Variants in LYRM1 observed in about 807,000 individuals in gnomAD.
LYRM1 encodes LYR motif containing 1, also known as LYR motif-containing protein 1.
Under a neutral mutation model 14.9 loss-of-function variants are expected in LYRM1, and 14 were observed. That is an observed-to-expected ratio of 0.94 (90% CI 0.62 to 1.47). The LOEUF is 1.47. Among genes scored for constraint, LYRM1 ranks in the 40% most tolerant of loss-of-function variants. The probability of loss-of-function intolerance (pLI) is 0.00; values close to 1 mark genes in which losing one functional copy is unlikely to be tolerated. For synonymous variants in LYRM1, 43 were observed against 56.2 expected (o/e 0.77, Z 1.05); for missense variants, 153 against 149.9 (o/e 1.02, Z -0.11).
Position 20,901,851 on chromosome 16 carries a change from C to T in LYRM1, c.-1+962C>T, listed in dbSNP as rs900643239. Among the ~76,000 whole-genome samples, 1 of 152,176 alleles carries T rather than the reference C, an allele frequency of 6.6e-6. No individual in the cohort carries two copies. Reference sequence around the variant, plus strand: ...GATAGTGTTGAAAGGGCCGGCCGGGCGCGGTGGCTCACGCCTATAAACCCA... The same window carrying T: ...GATAGTGTTGAAAGGGCCGGCCGGGTGCGGTGGCTCACGCCTATAAACCCA... On this transcript the variant is annotated intron_variant, in intron 1 of 3. Coordinates refer to ENST00000567954, the MANE Select transcript of LYRM1 (RefSeq NM_001128302.3). This position sits in a 1 kb window ranked among gnomAD's most constrained non-coding sequence, Gnocchi z 4.6.
At chr16:20,917,858 T>C (rs1463750040) in intron 2 of LYRM1, among the ~76,000 whole-genome samples, 1 of 152,056 alleles carries the variant, frequency 6.6e-6, no homozygotes, top group Non-Finnish European at 1.5e-5. Context: ...TATGTTGGCA[T>C]GGTTTTCCCA....
At chr16:20,914,097 T>TG (rs1457467005) in intron 1 of LYRM1, among the ~76,000 whole-genome samples, 1 of 151,986 alleles carries the variant, frequency 6.6e-6, no homozygotes, top group African/African-American at 2.4e-5. Context: ...CATGAGCCAC[T>TG]GCACCCGGCC....
chr16:20,907,220 A>G (rs1437204589), intron 1 of LYRM1, among the ~76,000 whole-genome samples: 1 of 152,250 alleles, frequency 6.6e-6, no homozygotes. Flanking sequence ...GTGTTACTCC[A>G]GCTTGCATAA....
chr16:20,908,222 C>T lies in LYRM1; in HGVS notation c.-1+7333C>T, dbSNP rs543608061. ...TGGTGTGTAACATAATTAAAAAGGG[C>T]GGTTGCAGGTTAGGAGCAGGGGCAG... On this transcript the variant is annotated intron_variant, in intron 1 of 3. Transcript: ENST00000567954. Among the ~76,000 whole-genome samples, 280 of 152,056 alleles carry T rather than the reference C, an allele frequency of 1.8e-3. 4 individuals carry two copies. The highest frequency in any genetic ancestry group is 2.4e-3 in the Non-Finnish European group (165 of 67,992).
intron 1 of LYRM1, among the ~76,000 whole-genome samples, chr16:20,907,543 A>G (rs557203871): frequency 7.7e-4 from 117 of 151,588 alleles, no homozygotes; most frequent in African/African-American, 2.5e-3. Flanking sequence ...TTATTTTTCA[A>G]TGGAGATGGG....
chr16:20,912,338 C>T (rs538489044), intron 1 of LYRM1, among the ~76,000 whole-genome samples: 4 of 152,076 alleles, frequency 2.6e-5, no homozygotes, highest in East Asian at 1.9e-4. Context: ...GGCGCAATCT[C>T]GGCTCACTGC....
intron 3 of LYRM1, 59 bp downstream of exon 3, chr16:20,920,273 C>A: frequency 7.9e-7 from 1 of 1,262,732 alleles, no homozygotes; most frequent in Non-Finnish European, 1.2e-6. Flanking sequence ...CTGGTTATTT[C>A]CAAGAATGTG....
At chr16:20,923,003 A>G (rs961162504) in intron 3 of LYRM1, among the ~76,000 whole-genome samples, 3 of 152,126 alleles carry the variant, frequency 2.0e-5, no homozygotes, top group Non-Finnish European at 4.4e-5. Context: ...AGGAAGCAAA[A>G]GGAGCCGCTT....
rs896128424 is a variant in LYRM1 at position 20,901,529 on chromosome 16, G to C, written c.-1+640G>C. Among the ~76,000 whole-genome samples the C allele has an allele frequency of 1.4e-4, 22 of 152,206 alleles. No individual in the cohort carries two copies. The highest frequency in any genetic ancestry group is 1.3e-4 in the Non-Finnish European group (9 of 68,038). On this transcript the variant is annotated intron_variant, in intron 1 of 3. Coordinates refer to ENST00000567954, the MANE Select transcript of LYRM1 (RefSeq NM_001128302.3). The surrounding 1 kb of genome is among the most constrained non-coding windows in gnomAD (Gnocchi z 4.6). ...AGACAATGGGTTTTCTGGGTGGAGA[G>C]AAGAGCCAATGAGAAGGACTTTTAG...
rs186093242 is a variant in LYRM1 at position 20,916,313 on chromosome 16, C to G, written c.159+599C>G. 6.2e-3 allele frequency among the ~76,000 whole-genome samples: 938 copies of G among 152,244 alleles called. 13 individuals are homozygous for G. Among genetic ancestry groups the G allele is most frequent in the African/African-American group, 0.021 (891 of 41,556 alleles). On this transcript the variant is annotated intron_variant, in intron 2 of 3. Transcript: ENST00000567954. ...GCAGGGAGCCAGATTGGACCACCCC[C>G]CTACAAACCCTAAAGCGTTAGCTGT...
In LYRM1 at chr16:20,913,069, A is replaced by AAAT. The variant is rs34662196; in HGVS notation, c.1-2459_1-2457dup. ...CAACAAAAGCGAAACTCTGTCTCAA[A>AAAT]AATAATAATAATAATAATAATAATA... On this transcript the variant is annotated intron_variant, in intron 1 of 3. Coordinates refer to ENST00000567954, the MANE Select transcript of LYRM1 (RefSeq NM_001128302.3). Among the ~76,000 whole-genome samples the AAAT allele has an allele frequency of 6.6e-3, 961 of 145,034 alleles. 7 individuals carry two copies. Among genetic ancestry groups the AAAT allele is most frequent in the Middle Eastern group, 0.022 (6 of 276 alleles).
intron 1 of LYRM1, among the ~76,000 whole-genome samples, chr16:20,905,081 C>A (rs17692345): frequency 0.07 from 10,684 of 152,178 alleles, 490 homozygotes; most frequent in Non-Finnish European, 0.1. Flanking sequence ...TTAGGAAAAT[C>A]CATTACTACC....
chr16:20,913,778 G>A (rs1488616930), intron 1 of LYRM1, among the ~76,000 whole-genome samples: 1 of 151,996 alleles, frequency 6.6e-6, no homozygotes, highest in African/African-American at 2.4e-5. Flanking sequence ...ACCCAGAGGG[G>A]CCTTGAGATC....
intron 1 of LYRM1, among the ~76,000 whole-genome samples, chr16:20,908,258 G>C (rs2082420011): frequency 6.6e-6 from 1 of 152,208 alleles, no homozygotes; most frequent in Admixed American, 6.5e-5. Flanking sequence ...GTGGCAAATG[G>C]GGAAGGCTAT....
chr16:20,906,784 T>G (rs961983531), intron 1 of LYRM1, among the ~76,000 whole-genome samples: 4 of 152,038 alleles, frequency 2.6e-5, no homozygotes, highest in African/African-American at 4.8e-5. Flanking sequence ...AGAGGTGGGG[T>G]AAAAGGGCAC....
intron 3 of LYRM1, chr16:20,920,754 G>A (rs1369647965): frequency 6.4e-6 from 1 of 155,458 alleles, no homozygotes; most frequent in African/African-American, 2.4e-5. Context: ...CAGGCATAGT[G>A]ACACACTCCT....
chr16:20,924,215 GTCT>G lies in LYRM1; in HGVS notation c.*104_*106del. On this transcript the variant is annotated 3_prime_UTR_variant, in exon 4 of 4. Transcript: ENST00000567954. ...CTTGATTAGGGGCAAAAATTCAAAT[GTCT>G]TCTTAAAACCTCCACAATTGATTCT... is the stretch of plus-strand genomic sequence containing the variant. The G allele has an allele frequency of 1.5e-6, 1 of 653,218 alleles. No homozygotes were observed. Among genetic ancestry groups the G allele is most frequent in the Non-Finnish European group, 2.7e-6 (1 of 368,814 alleles). The allele number at this position is 653,218 out of a possible 1,614,324, so 40.5% of individuals were successfully genotyped here. A position where few individuals can be genotyped will look rare whatever the true frequency, so the allele number is the denominator to read the frequency against.
intron 1 of LYRM1, among the ~76,000 whole-genome samples, chr16:20,906,677 A>G (rs373476486): frequency 6.6e-6 from 1 of 152,246 alleles, no homozygotes; most frequent in East Asian, 1.9e-4. Context: ...TCATACTTCT[A>G]TAAATCTCAG....
intron 2 of LYRM1, among the ~76,000 whole-genome samples, chr16:20,916,695 G>T (rs777483948): frequency 3.5e-4 from 54 of 152,114 alleles, no homozygotes; most frequent in Non-Finnish European, 6.8e-4. Context: ...CCAAAGCAGG[G>T]TCATCTTTCT....
Sources: gnomAD v4.1 joint callset for allele counts (sites outside exome capture counted in the v4.1 genomes callset) on GRCh38, gnomAD v4.1.1 for gene constraint, Gnocchi (gnomAD v3.1) non-coding constraint, MANE v1.5 for transcripts, NCBI Gene and HGNC (gene_info 2026-07-23, HGNC 2026-07-21) for gene names.